The following CD200R1 variants were observed in gnomAD, a reference collection of about 807,000 sequenced individuals.
CD200R1 encodes the protein CD200 receptor 1.
In CD200R1, 30 loss-of-function variants were observed where a neutral mutation model predicts 38.1. That is an observed-to-expected ratio of 0.79 (90% CI 0.59 to 1.07). CD200R1 has a LOEUF of 1.07. Among genes scored for constraint, CD200R1 ranks in the 50% least tolerant of loss-of-function variants. The pLI is 0.00. For missense variants in CD200R1, 372 were observed against 415.4 expected (o/e 0.90, Z 0.91); for synonymous variants, 128 against 152.1 (o/e 0.84, Z 1.16).
intron 1 of CD200R1, among the ~76,000 whole-genome samples, chr3:112,972,170 C>G (rs909054334): frequency 1.3e-5 from 2 of 152,078 alleles, no homozygotes; most frequent in African/African-American, 4.8e-5. Context: ...GAAAAACACA[C>G]CTATAAATTA....
chr3:112,923,935 T>C, intron 7 of CD200R1, 136 bp from the exon 8 acceptor site: 1 of 557,074 alleles, frequency 1.8e-6, no homozygotes, highest in Non-Finnish European at 3.2e-6. Flanking sequence ...TCTGGGCCTA[T>C]ATAAACATAA....
Position 112,949,683 on chromosome 3 carries a change from C to T in CD200R1, c.68-1759G>A, listed in dbSNP as rs1179683679. Among the ~76,000 whole-genome samples, 3 of 152,190 alleles carry T rather than the reference C, an allele frequency of 2.0e-5. No homozygotes were observed. The East Asian group carries it at 5.8e-4, about 29-fold the overall frequency. On this transcript the variant is annotated intron_variant, in intron 1 of 7. Transcript: ENST00000308611. ...TAAGAAATATGCTAGGATAGATACA[C>T]AACCCAAATTAACCCAAACTGAAGT...
intron 2 of CD200R1, among the ~76,000 whole-genome samples, chr3:112,944,080 A>G (rs937468745): frequency 6.6e-6 from 1 of 151,928 alleles, no homozygotes; most frequent in African/African-American, 2.4e-5. Flanking sequence ...AAGAAATCAT[A>G]CCAGCTCTCC....
At chr3:112,955,250 G>A (rs989248001) in intron 1 of CD200R1, among the ~76,000 whole-genome samples, 7 of 152,124 alleles carry the variant, frequency 4.6e-5, no homozygotes, top group African/African-American at 1.7e-4. Context: ...TGGTAGGCCC[G>A]TTTGGTCTAC....
chr3:112,929,759 T>C (rs1016348), intron 3 of CD200R1, among the ~76,000 whole-genome samples: 89,287 of 151,832 alleles, frequency 0.59, 26,674 homozygotes, highest in African/African-American at 0.69. Context: ...ATTTTTTATA[T>C]TAATGGAGAA....
intron 1 of CD200R1, among the ~76,000 whole-genome samples, chr3:112,958,648 A>G (rs1156520897): frequency 6.6e-6 from 1 of 152,194 alleles, no homozygotes; most frequent in African/African-American, 2.4e-5. Flanking sequence ...CATAAAGCTG[A>G]AAGGAGATAA....
At chr3:112,960,608 AAG>A (rs1932993422) in intron 1 of CD200R1, among the ~76,000 whole-genome samples, 1 of 152,076 alleles carries the variant, frequency 6.6e-6, no homozygotes, top group African/African-American at 2.4e-5. Flanking sequence ...ATACCAAAAA[AAG>A]ACAATATAAA....
At chr3:112,955,510 A>AC (rs930479476) in intron 1 of CD200R1, among the ~76,000 whole-genome samples, 2 of 136,784 alleles carry the variant, frequency 1.5e-5, no homozygotes, top group Non-Finnish European at 3.2e-5. Context: ...CTCTCTTCAC[A>AC]TTTTTTTTTT....
At chr3:112,924,401 A>G (rs1400917974) in intron 7 of CD200R1, 89 bp downstream of exon 7, 3 of 1,020,074 alleles carry the variant, frequency 2.9e-6, no homozygotes, top group East Asian at 3.2e-5. Flanking sequence ...CAACTGAAAC[A>G]CTAATATTGA....
At chr3:112,958,399 A>C (rs897356586) in intron 1 of CD200R1, among the ~76,000 whole-genome samples, 1 of 152,186 alleles carries the variant, frequency 6.6e-6, no homozygotes, top group Admixed American at 6.5e-5. Flanking sequence ...TACTACAAAA[A>C]ATACTGCTAC....
At chr3:112,936,713 T>C (rs1475253993) in intron 2 of CD200R1, among the ~76,000 whole-genome samples, 1 of 152,216 alleles carries the variant, frequency 6.6e-6, no homozygotes, top group South Asian at 2.1e-4. Context: ...CTTTGTTAGA[T>C]GAATAGATTA....
At chr3:112,937,632 C>T (rs1940616283) in intron 2 of CD200R1, among the ~76,000 whole-genome samples, 1 of 151,952 alleles carries the variant, frequency 6.6e-6, no homozygotes, top group African/African-American at 2.4e-5. Context: ...CATGATGCTT[C>T]CAGCTTTGTT....
chr3:112,971,025 G>A (rs1933295834), intron 1 of CD200R1, among the ~76,000 whole-genome samples: 1 of 152,110 alleles, frequency 6.6e-6, no homozygotes, highest in Admixed American at 6.6e-5. Context: ...TTCGTGGGAT[G>A]GATCATCTAC....
intron 1 of CD200R1, among the ~76,000 whole-genome samples, chr3:112,955,888 G>T (rs757590327): frequency 1.9e-4 from 29 of 151,324 alleles, no homozygotes; most frequent in Non-Finnish European, 2.9e-4. Context: ...ATTTGAGCCC[G>T]TTTTTATGTT....
rs371480926 is a variant in CD200R1 at position 112,953,407 on chromosome 3, T to C, written c.68-5483A>G. Among the ~76,000 whole-genome samples the C allele has an allele frequency of 1.1e-3, 174 of 152,338 alleles. 4 individuals are homozygous for C. In the South Asian group the frequency reaches 0.033, roughly 29 times the overall value. On this transcript the variant is annotated intron_variant, in intron 1 of 7. Coordinates refer to ENST00000308611, the MANE Select transcript of CD200R1 (RefSeq NM_138806.4). The stretch of plus-strand genomic sequence containing the variant: ...TATGTTTACCAGGGATATTGGCCTG[T>C]AGTTTTCTTTTTATCTGGCGTCCTT...
At chr3:112,933,973 C>T (rs1490328097) in intron 2 of CD200R1, among the ~76,000 whole-genome samples, 1 of 151,732 alleles carries the variant, frequency 6.6e-6, no homozygotes, top group African/African-American at 2.4e-5. Flanking sequence ...ATAAAGTTTA[C>T]AGGATTTAGG....
At chr3:112,925,700 A>C (rs962619533) in intron 5 of CD200R1, among the ~76,000 whole-genome samples, 2 of 152,092 alleles carry the variant, frequency 1.3e-5, no homozygotes, top group African/African-American at 4.8e-5. Flanking sequence ...GGCAGGGCTT[A>C]TATGGGAAAT....
At chr3:112,928,571 A>G (rs956123049) in intron 5 of CD200R1, among the ~76,000 whole-genome samples, 2 of 152,142 alleles carry the variant, frequency 1.3e-5, no homozygotes, top group African/African-American at 4.8e-5. Context: ...TACTCATGCT[A>G]ATTAACTACT....
intron 2 of CD200R1, among the ~76,000 whole-genome samples, chr3:112,946,037 A>AAG (rs928595640): frequency 5.6e-4 from 84 of 150,436 alleles, no homozygotes; most frequent in Non-Finnish European, 5.9e-4. Flanking sequence ...CGTCTCAAAA[A>AAG]AAAAAAAAAA....
Sources: allele counts gnomAD v4.1 joint callset (sites outside exome capture counted in the v4.1 genomes callset), GRCh38; gene constraint gnomAD v4.1.1; transcripts MANE v1.5; gene names NCBI Gene and HGNC (gene_info 2026-07-23, HGNC 2026-07-21).